AFG2A: variants seen among roughly 807,000 people sequenced by gnomAD.
AFG2A encodes AAA ATPase AFG2A.
chr4:123,299,177 A>G, the AFG2A span, among the ~76,000 whole-genome samples: 6 of 151,898 alleles, frequency 4.0e-5, no homozygotes, highest in South Asian at 1.2e-3. Flanking sequence ...ATGTAGATAC[A>G]CATATATTTA....
the AFG2A span, among the ~76,000 whole-genome samples, chr4:123,298,807 C>G: frequency 3.3e-5 from 5 of 152,146 alleles, no homozygotes; most frequent in African/African-American, 1.2e-4. Flanking sequence ...ATGTAATCTT[C>G]CATTGGAACA....
chr4:123,298,931 GA>G, the AFG2A span, among the ~76,000 whole-genome samples: 1 of 152,094 alleles, frequency 6.6e-6, no homozygotes, highest in Non-Finnish European at 1.5e-5. Flanking sequence ...TTTTATTACA[GA>G]ATTATTTTGT....
At chr4:123,250,316 G>T in the AFG2A span, among the ~76,000 whole-genome samples, 1 of 152,156 alleles carries the variant, frequency 6.6e-6, no homozygotes, top group South Asian at 2.1e-4. Flanking sequence ...TGATATAAAG[G>T]TCAGAAGAAA....
At chr4:123,222,074 G>C in the AFG2A span, among the ~76,000 whole-genome samples, 2 of 152,166 alleles carry the variant, frequency 1.3e-5, no homozygotes, top group African/African-American at 4.8e-5. Flanking sequence ...GAACTAAAAT[G>C]TTCTGGGGTC....
the AFG2A span, among the ~76,000 whole-genome samples, chr4:123,004,408 G>T: frequency 0.01 from 1,534 of 152,316 alleles, 37 homozygotes; most frequent in African/African-American, 0.035. Flanking sequence ...CGTTGCTCAC[G>T]CTGGGAGCTG....
the AFG2A span, among the ~76,000 whole-genome samples, chr4:123,049,067 C>G: frequency 1.3e-5 from 2 of 152,016 alleles, no homozygotes; most frequent in Non-Finnish European, 2.9e-5. Flanking sequence ...AGGTTTTTAT[C>G]ATGAAGGGAT....
chr4:123,316,185 A>G, the AFG2A span: 1 of 152,266 alleles, frequency 6.6e-6, no homozygotes, highest in Admixed American at 6.5e-5. Context: ...TTACCAGTAC[A>G]TAAACCCACC....
the AFG2A span, among the ~76,000 whole-genome samples, chr4:123,060,005 G>GT: frequency 3.9e-5 from 6 of 152,038 alleles, no homozygotes; most frequent in African/African-American, 1.4e-4. Context: ...GGGGTTGTTT[G>GT]TTTTTTTCTT....
the AFG2A span, among the ~76,000 whole-genome samples, chr4:123,094,964 C>G: frequency 6.7e-6 from 1 of 148,388 alleles, no homozygotes; most frequent in Non-Finnish European, 1.5e-5. Flanking sequence ...AGTTACTTTA[C>G]TCTAGGACAA....
chr4:123,143,361 A>G, the AFG2A span, among the ~76,000 whole-genome samples: 1 of 152,096 alleles, frequency 6.6e-6, no homozygotes, highest in Non-Finnish European at 1.5e-5. Context: ...TTAACTATAA[A>G]TAATCTTTTG....
At chr4:123,124,295 A>G in the AFG2A span, among the ~76,000 whole-genome samples, 1 of 152,222 alleles carries the variant, frequency 6.6e-6, no homozygotes, top group Non-Finnish European at 1.5e-5. Context: ...ACACCATGGA[A>G]TACTATGCAG....
chr4:123,005,853 T>G, the AFG2A span, among the ~76,000 whole-genome samples: 1 of 152,364 alleles, frequency 6.6e-6, no homozygotes, highest in East Asian at 1.9e-4. Flanking sequence ...TGTCATATGT[T>G]TACTTTTGCA....
chr4:123,313,953 C>G, the AFG2A span: 1 of 1,613,012 alleles, frequency 6.2e-7, no homozygotes, highest in Non-Finnish European at 8.5e-7. Context: ...CCAATCTCAT[C>G]ATGAAAAGAC....
At chr4:123,056,454 C>T in the AFG2A span, 1 of 1,610,212 alleles carries the variant, frequency 6.2e-7, no homozygotes, top group Non-Finnish European at 8.5e-7. Flanking sequence ...AGAAATTGTG[C>T]CTTTAGTGGC....
At chr4:123,200,269 A>G in the AFG2A span, among the ~76,000 whole-genome samples, 1 of 152,258 alleles carries the variant, frequency 6.6e-6, no homozygotes, top group Non-Finnish European at 1.5e-5. Flanking sequence ...TTCCAAAAGG[A>G]AAGTCCACAT....
At chr4:123,109,556 A>G in the AFG2A span, among the ~76,000 whole-genome samples, 1 of 152,160 alleles carries the variant, frequency 6.6e-6, no homozygotes, top group African/African-American at 2.4e-5. Context: ...TGAAGCAATA[A>G]TAATATTGAG....
chr4:122,998,328 T>C, the AFG2A span, among the ~76,000 whole-genome samples: 18 of 152,116 alleles, frequency 1.2e-4, no homozygotes, highest in Non-Finnish European at 2.4e-4. Flanking sequence ...ATTATTATTA[T>C]ACTTTAAGTT....
chr4:123,085,321 C>T, the AFG2A span, among the ~76,000 whole-genome samples: 10 of 152,164 alleles, frequency 6.6e-5, no homozygotes, highest in African/African-American at 2.2e-4. Context: ...GCTATAATAG[C>T]GTATTCATCT....
At chr4:123,207,389 TTGCCACCTC>T in the AFG2A span, among the ~76,000 whole-genome samples, 1 of 148,468 alleles carries the variant, frequency 6.7e-6, no homozygotes, top group East Asian at 2.0e-4. Context: ...ACACGGCACA[TTGCCACCTC>T]TGCCACCTGG....
Sources: allele counts gnomAD v4.1 joint callset (sites outside exome capture counted in the v4.1 genomes callset), GRCh38; gene constraint gnomAD v4.1.1; transcripts MANE v1.5; gene names NCBI Gene and HGNC (gene_info 2026-07-23, HGNC 2026-07-21).